TENM4: variants seen among roughly 807,000 people sequenced by gnomAD.
TENM4 encodes teneurin-4.
TENM4 carries 82 observed loss-of-function variants against 243.3 expected under a neutral mutation model. The ratio of observed to expected loss-of-function variants is 0.34; its 90% CI spans 0.28 to 0.40. The LOEUF is 0.40. Among genes scored for constraint, TENM4 ranks in the 10% least tolerant of loss-of-function variants. The pLI, the probability that TENM4 is intolerant of heterozygous loss-of-function variation, is 1.00. For missense variants in TENM4, 3,138 were observed against 3,673.3 expected, an observed-to-expected ratio of 0.85 and a Z score of 3.77; for synonymous variants, 1,412 against 1,456.3, an observed-to-expected ratio of 0.97 and a Z score of 0.69.
At chr11:78,774,839 G>A (rs1316487000) in intron 17 of TENM4, among the ~76,000 whole-genome samples, 1 of 152,160 alleles carries the variant, frequency 6.6e-6, no homozygotes, top group Non-Finnish European at 1.5e-5. Flanking sequence ...ACTTTACTCA[G>A]TACCTGGTGG....
intron 9 of TENM4, among the ~76,000 whole-genome samples, chr11:78,863,914 A>G (rs954756018): frequency 1.3e-5 from 2 of 152,254 alleles, no homozygotes; most frequent in African/African-American, 4.8e-5. Flanking sequence ...ATAATTTGTT[A>G]TAGCAAAATA....
intron 4 of TENM4, among the ~76,000 whole-genome samples, chr11:79,114,140 C>A (rs1411461557): frequency 6.6e-6 from 1 of 152,178 alleles, no homozygotes; most frequent in Non-Finnish European, 1.5e-5. Flanking sequence ...ACTCTATGAG[C>A]TCGTGTTCAG....
chr11:78,765,309 T>A, intron 18 of TENM4, among the ~76,000 whole-genome samples: 1 of 152,194 alleles, frequency 6.6e-6, no homozygotes, highest in East Asian at 1.9e-4. Flanking sequence ...TTTTTAAAGG[T>A]CAATTTCTCT....
chr11:79,249,871 T>C (rs1460163797), intron 2 of TENM4, among the ~76,000 whole-genome samples: 2 of 152,242 alleles, frequency 1.3e-5, no homozygotes, highest in African/African-American at 4.8e-5. Flanking sequence ...TGGCACCAAA[T>C]AGGAGCTGAA....
chr11:79,081,434 T>G (rs1304575396), intron 4 of TENM4, among the ~76,000 whole-genome samples: 2 of 152,248 alleles, frequency 1.3e-5, no homozygotes, highest in Non-Finnish European at 2.9e-5. Flanking sequence ...CTGACACTGA[T>G]GCTAAGCTGA....
chr11:78,780,361 T>C (rs796472019), intron 16 of TENM4, among the ~76,000 whole-genome samples: 7 of 152,370 alleles, frequency 4.6e-5, no homozygotes, highest in African/African-American at 1.7e-4. Flanking sequence ...TCAAAGGGCA[T>C]GAATACATAG....
At chr11:79,109,401 G>T (rs534970289) in intron 4 of TENM4, among the ~76,000 whole-genome samples, 9 of 152,180 alleles carry the variant, frequency 5.9e-5, no homozygotes, top group Middle Eastern at 3.4e-3. Context: ...AGTCTTTTTT[G>T]TGTGTGCCTT....
At chr11:79,314,578 A>C (rs1206724615) in intron 1 of TENM4, among the ~76,000 whole-genome samples, 1 of 152,208 alleles carries the variant, frequency 6.6e-6, no homozygotes, top group Non-Finnish European at 1.5e-5. Context: ...ACACAGATAA[A>C]TGTCAGTCTT....
At chr11:78,842,289 A>G (rs1858277530) in intron 12 of TENM4, among the ~76,000 whole-genome samples, 1 of 152,218 alleles carries the variant, frequency 6.6e-6, no homozygotes, top group African/African-American at 2.4e-5. Context: ...GGTAAAATAC[A>G]AGTGGTCAAT....
At chr11:79,436,887 C>T (rs973884425) in intron 1 of TENM4, among the ~76,000 whole-genome samples, 3 of 152,220 alleles carry the variant, frequency 2.0e-5, no homozygotes, top group South Asian at 2.1e-4. Flanking sequence ...ACAAGCCTTC[C>T]GCACCCTGCC....
intron 12 of TENM4, among the ~76,000 whole-genome samples, chr11:78,823,711 G>A (rs372836176): frequency 1.3e-5 from 2 of 152,088 alleles, no homozygotes; most frequent in Admixed American, 1.3e-4. Flanking sequence ...GAAGCTTCTC[G>A]GTGCCTATTT....
At chr11:79,086,131 A>G (rs1184988907) in intron 4 of TENM4, among the ~76,000 whole-genome samples, 1 of 152,246 alleles carries the variant, frequency 6.6e-6, no homozygotes, top group African/African-American at 2.4e-5. Context: ...GGTTGGCCAC[A>G]TGACTTGCAT....
At chr11:79,077,149 C>T (rs372078782) in intron 4 of TENM4, among the ~76,000 whole-genome samples, 14 of 152,186 alleles carry the variant, frequency 9.2e-5, no homozygotes, top group East Asian at 1.9e-4. Context: ...CTCTCCTCCC[C>T]GAACTCCCAG....
intron 10 of TENM4, among the ~76,000 whole-genome samples, chr11:78,862,639 C>T (rs1858852500): frequency 6.6e-6 from 1 of 152,164 alleles, no homozygotes; most frequent in Non-Finnish European, 1.5e-5. Flanking sequence ...GAGGTTTGCC[C>T]AGAAGAGCTC....
chr11:79,175,149 A>G (rs1863132931), intron 3 of TENM4, among the ~76,000 whole-genome samples: 1 of 152,232 alleles, frequency 6.6e-6, no homozygotes, highest in African/African-American at 2.4e-5. Flanking sequence ...ACCTGGTGTT[A>G]ACTAGTACAG....
At chr11:78,919,405 C>G (rs559163385) in intron 6 of TENM4, among the ~76,000 whole-genome samples, 23 of 152,130 alleles carry the variant, frequency 1.5e-4, no homozygotes, top group African/African-American at 5.1e-4. Flanking sequence ...TGTCCTGCCC[C>G]CTCCCTCCAC....
At chr11:78,885,501 G>A (rs916128699) in intron 9 of TENM4, among the ~76,000 whole-genome samples, 9 of 152,234 alleles carry the variant, frequency 5.9e-5, no homozygotes, top group Non-Finnish European at 1.2e-4. Context: ...TCTGGCTTCC[G>A]CAGTCTCTGT....
chr11:78,738,022 G>T (rs1308067210), intron 20 of TENM4, among the ~76,000 whole-genome samples: 1 of 152,196 alleles, frequency 6.6e-6, no homozygotes, highest in Non-Finnish European at 1.5e-5. Context: ...TCATTCTGCT[G>T]ATGGTTCTTG....
chr11:79,008,607 T>C (rs1858554065), intron 6 of TENM4, among the ~76,000 whole-genome samples: 1 of 152,246 alleles, frequency 6.6e-6, no homozygotes. Context: ...AACTTTATAA[T>C]ATTACATTAG....
Sources: allele counts gnomAD v4.1 joint callset (sites outside exome capture counted in the v4.1 genomes callset), GRCh38; gene constraint gnomAD v4.1.1; transcripts MANE v1.5; gene names NCBI Gene and HGNC (gene_info 2026-07-23, HGNC 2026-07-21).